GDNF: variants seen among roughly 807,000 people sequenced by gnomAD.
The protein encoded by GDNF is glial cell derived neurotrophic factor, also known as glial cell line-derived neurotrophic factor.
Under a neutral mutation model 13.7 loss-of-function variants are expected in GDNF, and 5 were observed. The observed-to-expected ratio is 0.36, with a 90% CI of 0.19 to 0.77. GDNF has a LOEUF of 0.77. Among genes scored for constraint, GDNF ranks in the 30% least tolerant of loss-of-function variants. The pLI is 0.51. For synonymous variants in GDNF, 122 were observed against 112.5 expected (o/e 1.08, Z -0.53); for missense variants, 246 against 274.3 (o/e 0.90, Z 0.73).
At chr5:37,826,267 A>G (rs775300113) in intron 2 of GDNF, among the ~76,000 whole-genome samples, 1 of 152,250 alleles carries the variant, frequency 6.6e-6, no homozygotes, top group Non-Finnish European at 1.5e-5. Context: ...GTCCACAGAA[A>G]GTATTTCACA....
At position 37,815,490 on chromosome 5, in the gene GDNF, C is replaced by G. The variant is rs1212740323; in HGVS notation, c.*161G>C. ...CCAGGCTCCCATGATGGCTGCCTTCCTCCTCCTCCTCCTCCTCCTCCTCCT... is the reference window on the plus strand; with the variant it reads ...CCAGGCTCCCATGATGGCTGCCTTCGTCCTCCTCCTCCTCCTCCTCCTCCT... On this transcript the variant is annotated 3_prime_UTR_variant, in exon 3 of 3. Coordinates refer to ENST00000326524, the MANE Select transcript of GDNF (RefSeq NM_000514.4). The surrounding 1 kb of genome is among the most constrained non-coding windows in gnomAD (Gnocchi z 5.0). 5.6e-6 allele frequency: 2 copies of G among 355,896 alleles called. No individual in the cohort carries two copies. The highest frequency in any genetic ancestry group is 9.5e-6 in the Non-Finnish European group (2 of 210,980). 22.0% of individuals were successfully genotyped at this position (355,896 alleles called of 1,614,324 possible).
In GDNF at chr5:37,815,959, C is replaced by T; in HGVS notation, c.328G>A (p.Gly110Ser). Reference protein sequence around the residue: ...PENSRGKGRRGQRGKNRGCVL... With the variant: ...PENSRGKGRRSQRGKNRGCVL... ...CAACCCCGGTTTTTGCCCCTCTGGC[C>T]TCTCCGACCTTTTCCTCTGGAATTC... Residue 110 changes from glycine to serine, a missense_variant, in exon 3 of 3, where the codon GGC (glycine) becomes AGC (serine). By Grantham distance (56) the Gly-to-Ser change is moderately conservative. Transcript: ENST00000326524. This position sits in a 1 kb window ranked among gnomAD's most constrained non-coding sequence, Gnocchi z 5.0. 1 of 1,614,192 alleles carries T rather than the reference C, an allele frequency of 6.2e-7. No individual in the cohort carries two copies. The highest frequency in any genetic ancestry group is 8.5e-7 in the Non-Finnish European group (1 of 1,180,024).
rs1678310007 is a variant in GDNF at position 37,837,741 on chromosome 5, C to CA, written c.-27+1765dup. On this transcript the variant is annotated intron_variant, in intron 1 of 2. Transcript: ENST00000326524. The surrounding 1 kb of genome is among the most constrained non-coding windows in gnomAD (Gnocchi z 6.5). ...TCTGCTTTTCAGGCTCCCACCCCTCCATTCTCGCTGGTTTTCCTCTCCCCA... is the reference window on the plus strand; with the variant it reads ...TCTGCTTTTCAGGCTCCCACCCCTCCAATTCTCGCTGGTTTTCCTCTCCCCA... 6.6e-6 allele frequency among the ~76,000 whole-genome samples: 1 copy of CA among 152,218 alleles called. No individual in the cohort carries two copies. Among genetic ancestry groups the CA allele is most frequent in the African/African-American group, 2.4e-5 (1 of 41,458 alleles).
At chr5:37,833,094 T>C (rs1017219596) in intron 2 of GDNF, among the ~76,000 whole-genome samples, 4 of 152,228 alleles carry the variant, frequency 2.6e-5, no homozygotes, top group Admixed American at 1.3e-4. Context: ...TGAATCTAGT[T>C]GAACAGGGCA....
chr5:37,835,775 T>TC, intron 1 of GDNF: 1 of 870,816 alleles, frequency 1.1e-6, no homozygotes. Flanking sequence ...AGTCACTGGC[T>TC]CCCCGCGCCC....
rs1750665704 is a variant in GDNF, at chr5:37,835,270, G to A, written c.-26-448C>T. The A allele has an allele frequency of 2.5e-5, 10 of 394,332 alleles. 1 individual carries two copies. The South Asian group carries it at 3.7e-4, about 14-fold the overall frequency. The allele number at this position is 394,332 out of a possible 1,614,324, so 24.4% of individuals were successfully genotyped here. A position where few individuals can be genotyped will look rare whatever the true frequency, so the allele number is the denominator to read the frequency against. ...GTCCCGGTAGCTCCTATAGGCCCCT[G>A]AACGAGCCCTCGGCCCAAGCAAGGA... On this transcript the variant is annotated intron_variant, in intron 1 of 2. Transcript: ENST00000326524.
intron 1 of GDNF, among the ~76,000 whole-genome samples, chr5:37,836,963 C>T (rs943235342): frequency 2.0e-5 from 3 of 152,232 alleles, no homozygotes; most frequent in African/African-American, 7.2e-5. Context: ...GCTGCGGTTC[C>T]CGCCCTCGGC....
At chr5:37,836,441 C>A (rs1271085715) in intron 1 of GDNF, among the ~76,000 whole-genome samples, 1 of 152,148 alleles carries the variant, frequency 6.6e-6, no homozygotes, top group Non-Finnish European at 1.5e-5. Flanking sequence ...TCTGTTTGTT[C>A]GCTATGCAGC....
Position 37,827,207 on chromosome 5 carries a change from T to TA in GDNF, c.151+7438_151+7439insT, listed in dbSNP as rs1322704995. On this transcript the variant is annotated intron_variant, in intron 2 of 2. Coordinates refer to ENST00000326524, the MANE Select transcript of GDNF (RefSeq NM_000514.4). ...CAAATGCAATTTATGGTCCTGGGTT[T>TA]TAAAAAAAAAAAAACAAAACATAAA... Among the ~76,000 whole-genome samples the TA allele has an allele frequency of 2.2e-3, 333 of 151,640 alleles. 1 individual carries two copies. The highest frequency in any genetic ancestry group is 7.7e-3 in the African/African-American group (317 of 41,338).
Position 37,815,578 on chromosome 5 carries a change from T to C in GDNF, c.*73A>G, listed in dbSNP as rs1330355530. On this transcript the variant is annotated 3_prime_UTR_variant, in exon 3 of 3. Coordinates refer to ENST00000326524, the MANE Select transcript of GDNF (RefSeq NM_000514.4). This position sits in a 1 kb window ranked among gnomAD's most constrained non-coding sequence, Gnocchi z 5.0. ...CCTCATCTTCCATTCTGGGCAAACA[T>C]TTCCTGGGAACCTTGGTCCCTTTCT... 3 of 1,434,410 alleles carry C rather than the reference T, an allele frequency of 2.1e-6. No individual in the cohort carries two copies. Among genetic ancestry groups the C allele is most frequent in the Non-Finnish European group, 2.9e-6 (3 of 1,021,148 alleles). 88.9% of individuals were successfully genotyped at this position (1,434,410 alleles called of 1,614,324 possible).
intron 2 of GDNF, among the ~76,000 whole-genome samples, chr5:37,820,255 G>T (rs920698812): frequency 1.3e-5 from 2 of 152,164 alleles, no homozygotes; most frequent in African/African-American, 4.8e-5. Context: ...AGTCACAGAA[G>T]TTTAAATCAT....
chr5:37,836,746 G>A (rs1174078231), intron 1 of GDNF, among the ~76,000 whole-genome samples: 1 of 152,248 alleles, frequency 6.6e-6, no homozygotes, highest in Admixed American at 6.5e-5. Flanking sequence ...CGGGGTTAAT[G>A]CGCCATTCCA....
intron 2 of GDNF, among the ~76,000 whole-genome samples, chr5:37,822,427 A>T (rs527625580): frequency 3.9e-5 from 6 of 152,324 alleles, no homozygotes; most frequent in South Asian, 4.1e-4. Context: ...AGCCAAGGCC[A>T]CACAAGTGAG....
chr5:37,832,153 G>A (rs1230875805), intron 2 of GDNF, among the ~76,000 whole-genome samples: 2 of 152,204 alleles, frequency 1.3e-5, no homozygotes, highest in East Asian at 1.9e-4. Flanking sequence ...GCAGAATGAC[G>A]TTAATGTGGC....
chr5:37,837,338 G>C lies in GDNF; in HGVS notation c.-27+2169C>G, dbSNP rs1190472540. Among the ~76,000 whole-genome samples the C allele has an allele frequency of 6.6e-6, 1 of 152,186 alleles. No homozygotes were observed. Among genetic ancestry groups the C allele is most frequent in the East Asian group, 1.9e-4 (1 of 5,172 alleles). On this transcript the variant is annotated intron_variant, in intron 1 of 2. Coordinates refer to ENST00000326524, the MANE Select transcript of GDNF (RefSeq NM_000514.4). This position sits in a 1 kb window ranked among gnomAD's most constrained non-coding sequence, Gnocchi z 6.5. The stretch of plus-strand genomic sequence containing the variant: ...ACCAAGCTCTGCTCCTCAAGTGACG[G>C]GGGCTCTGCTCTGCCAGGTGACCGC...
chr5:37,835,583 G>T (rs1419877236), intron 1 of GDNF: 4 of 1,506,024 alleles, frequency 2.7e-6, no homozygotes, highest in Middle Eastern at 1.7e-4. Context: ...ATTAAATCAC[G>T]CATGACAAGC....
chr5:37,822,207 A>G (rs1254142188), intron 2 of GDNF, among the ~76,000 whole-genome samples: 1 of 152,224 alleles, frequency 6.6e-6, no homozygotes, highest in African/African-American at 2.4e-5. Flanking sequence ...GCCTGACCTC[A>G]GTACACACAG....
intron 1 of GDNF, among the ~76,000 whole-genome samples, chr5:37,836,082 C>T (rs2111727968): frequency 6.6e-6 from 1 of 152,254 alleles, no homozygotes; most frequent in Non-Finnish European, 1.5e-5. Context: ...CAGGGTTCGT[C>T]TCCAGGGCAC....
In GDNF at chr5:37,837,084, T is replaced by G. The variant is rs1435024406; in HGVS notation, c.-26-2262A>C. Among the ~76,000 whole-genome samples the G allele has an allele frequency of 1.3e-5, 2 of 151,982 alleles. No homozygotes were observed. Among genetic ancestry groups the G allele is most frequent in the Non-Finnish European group, 1.5e-5 (1 of 67,972 alleles). On this transcript the variant is annotated intron_variant, in intron 1 of 2. Transcript: ENST00000326524. This position sits in a 1 kb window ranked among gnomAD's most constrained non-coding sequence, Gnocchi z 6.5. Reference sequence around the variant, plus strand: ...GGCTCCAGTCCGAGGGGCTCTTTCGTTCTCGGTATTTGCTGGGCGGGGGAA... The same window carrying G: ...GGCTCCAGTCCGAGGGGCTCTTTCGGTCTCGGTATTTGCTGGGCGGGGGAA...
Sources: gnomAD v4.1 joint callset for allele counts (sites outside exome capture counted in the v4.1 genomes callset) on GRCh38, gnomAD v4.1.1 for gene constraint, Gnocchi (gnomAD v3.1) non-coding constraint, MANE v1.5 for transcripts, NCBI Gene and HGNC (gene_info 2026-07-23, HGNC 2026-07-21) for gene names.